The following RBFOX1 variants were observed in gnomAD, a reference collection of about 807,000 sequenced individuals.
RBFOX1 encodes RNA binding fox-1 homolog 1.
RBFOX1 carries 8 observed loss-of-function variants against 57.7 expected under a neutral mutation model. The observed-to-expected ratio is 0.14, with a 90% CI of 0.08 to 0.25. The LOEUF (loss-of-function observed/expected upper bound fraction) is 0.25, where lower values mean the gene tolerates loss of function less well. RBFOX1 is among the 10% of genes least tolerant of loss of function. The pLI is 1.00. For missense variants in RBFOX1, 611 were observed against 548.5 expected (o/e 1.11, Z -1.14); for synonymous variants, 326 against 222.4 (o/e 1.47, Z -4.15).
At chr16:6,500,596 G>A (rs950420486) in intron 2 of RBFOX1, among the ~76,000 whole-genome samples, 3 of 152,060 alleles carry the variant, frequency 2.0e-5, no homozygotes, top group Non-Finnish European at 4.4e-5. Flanking sequence ...TTAATATCCA[G>A]CCATGGAAAA....
chr16:6,959,853 C>T (rs181434876), intron 3 of RBFOX1, among the ~76,000 whole-genome samples: 1 of 152,232 alleles, frequency 6.6e-6, no homozygotes, highest in African/African-American at 2.4e-5. Flanking sequence ...AGGAGAATCG[C>T]TTGAACCTAG....
chr16:7,061,717 C>G (rs1159176725), intron 4 of RBFOX1, among the ~76,000 whole-genome samples: 1 of 152,156 alleles, frequency 6.6e-6, no homozygotes, highest in East Asian at 1.9e-4. Flanking sequence ...AAATCTGTAT[C>G]AAACAGCTCC....
chr16:5,270,102 C>A (rs1324189097), intron 1 of RBFOX1: 10 of 242,442 alleles, frequency 4.1e-5, no homozygotes, highest in Non-Finnish European at 8.1e-5. Context: ...CAAGACCAGC[C>A]TGGCCAAAAT....
intron 2 of RBFOX1, among the ~76,000 whole-genome samples, chr16:6,603,932 T>G (rs541181895): frequency 6.8e-6 from 1 of 147,794 alleles, no homozygotes; most frequent in African/African-American, 2.4e-5. Flanking sequence ...AGGGGGCTGT[T>G]CAGTGAAGTT....
intron 4 of RBFOX1, among the ~76,000 whole-genome samples, chr16:7,053,527 G>A (rs1445911120): frequency 6.6e-6 from 1 of 152,166 alleles, no homozygotes; most frequent in Non-Finnish European, 1.5e-5. Context: ...ATGTGCCTTT[G>A]TCTCCAGGAG....
chr16:7,079,757 C>A (rs1337546198), intron 4 of RBFOX1, among the ~76,000 whole-genome samples: 8 of 151,624 alleles, frequency 5.3e-5, no homozygotes, highest in African/African-American at 1.9e-4. Context: ...GGTGGTTACA[C>A]AGGGTGGTGT....
Position 7,710,960 on chromosome 16 carries a change from T to C in RBFOX1, c.*215T>C, listed in dbSNP as rs1231905160. On this transcript the variant is annotated 3_prime_UTR_variant, in exon 16 of 16. Coordinates refer to ENST00000550418, the MANE Select transcript of RBFOX1 (RefSeq NM_018723.4). ...GGGTCTTTAATTTCTGAAGGTTCCG[T>C]AGTTTGGTTGCTGGCTGTAGGAGTT... is the stretch of plus-strand genomic sequence containing the variant. 1.1e-5 allele frequency: 6 copies of C among 550,520 alleles called. No individual in the cohort carries two copies. The highest frequency in any genetic ancestry group is 1.7e-5 in the Non-Finnish European group (6 of 361,066). The allele number at this position is 550,520 out of a possible 1,614,324, so 34.1% of individuals were successfully genotyped here. A position where few individuals can be genotyped will look rare whatever the true frequency, so the allele number is the denominator to read the frequency against.
chr16:5,914,552 G>C lies in RBFOX1; in HGVS notation c.351+47217G>C, dbSNP rs1195525449. ...GTGGGACTCTCTGTAGACTGCTTGA[G>C]TGCCCTTACAACATGGCAGCTGGTG... On this transcript the variant is annotated intron_variant, in intron 4 of 19. Transcript: ENST00000641259. 2.6e-5 allele frequency among the ~76,000 whole-genome samples: 4 copies of C among 152,102 alleles called. No homozygotes were observed. The East Asian group carries it at 7.7e-4, about 29-fold the overall frequency.
intron 2 of RBFOX1, among the ~76,000 whole-genome samples, chr16:6,462,417 T>C (rs2094941180): frequency 6.6e-6 from 1 of 152,238 alleles, no homozygotes; most frequent in African/African-American, 2.4e-5. Context: ...ACATGCCAAT[T>C]ATTAAAAATC....
chr16:6,664,621 A>T (rs1052452719), intron 3 of RBFOX1, among the ~76,000 whole-genome samples: 2 of 152,132 alleles, frequency 1.3e-5, no homozygotes, highest in Non-Finnish European at 2.9e-5. Flanking sequence ...ATTCGACATC[A>T]TTTTTACTGA....
intron 2 of RBFOX1, among the ~76,000 whole-genome samples, chr16:6,402,271 A>G (rs1248442683): frequency 2.0e-5 from 3 of 152,180 alleles, no homozygotes; most frequent in African/African-American, 7.2e-5. Flanking sequence ...CTGGGGTAGA[A>G]TAAACTTCGG....
chr16:5,873,900 G>A (rs567924567), intron 4 of RBFOX1, among the ~76,000 whole-genome samples: 1 of 152,260 alleles, frequency 6.6e-6, no homozygotes, highest in East Asian at 1.9e-4. Context: ...GTAAAGAAAA[G>A]TCAAGGGCCT....
At position 5,998,860 on chromosome 16, in the gene RBFOX1, C is replaced by T. The variant is rs149025887; in HGVS notation, c.351+131525C>T. ...GTCATATTGCAGTCAGATTTTAATC[C>T]ATTTAATTCCAAATGGCATCTCCTT... On this transcript the variant is annotated intron_variant, in intron 4 of 19. Coordinates refer to the RBFOX1 transcript ENST00000641259. Among the ~76,000 whole-genome samples, 187 of 152,270 alleles carry T rather than the reference C, an allele frequency of 1.2e-3. 1 individual carries two copies. The highest frequency in any genetic ancestry group is 2.7e-3 in the Admixed American group (42 of 15,288).
At chr16:5,857,880 G>C (rs1190169880) in intron 3 of RBFOX1, among the ~76,000 whole-genome samples, 1 of 152,154 alleles carries the variant, frequency 6.6e-6, no homozygotes, top group Non-Finnish European at 1.5e-5. Flanking sequence ...CTGGGAGGCA[G>C]CGGTTGCAGT....
chr16:6,821,342 A>G (rs1415429837), intron 3 of RBFOX1, among the ~76,000 whole-genome samples: 2 of 152,168 alleles, frequency 1.3e-5, no homozygotes, highest in African/African-American at 2.4e-5. Context: ...TTGTCCCCAA[A>G]TTGGAAAACT....
At chr16:5,335,408 T>C (rs2151283610) in intron 1 of RBFOX1, among the ~76,000 whole-genome samples, 1 of 152,258 alleles carries the variant, frequency 6.6e-6, no homozygotes, top group Admixed American at 6.5e-5. Context: ...AGGCTGGAGT[T>C]TTTCCCGTCA....
chr16:6,374,087 T>A (rs749743052), intron 2 of RBFOX1, among the ~76,000 whole-genome samples: 10 of 152,182 alleles, frequency 6.6e-5, no homozygotes, highest in Non-Finnish European at 1.0e-4. Context: ...CTGCCCTATT[T>A]ACCTTTTAAA....
intron 1 of RBFOX1, among the ~76,000 whole-genome samples, chr16:6,111,537 A>G (rs1272387285): frequency 6.6e-6 from 1 of 152,204 alleles, no homozygotes; most frequent in Non-Finnish European, 1.5e-5. Flanking sequence ...ATGGAATCTT[A>G]TAGGCATGTC....
intron 14 of RBFOX1, among the ~76,000 whole-genome samples, chr16:7,705,261 C>A (rs778108492): frequency 6.6e-6 from 1 of 152,056 alleles, no homozygotes; most frequent in African/African-American, 2.4e-5. Flanking sequence ...AATCCCAGCA[C>A]TTTGGGAGGC....
Sources: gnomAD v4.1 joint callset for allele counts (sites outside exome capture counted in the v4.1 genomes callset) on GRCh38, gnomAD v4.1.1 for gene constraint, MANE v1.5 for transcripts, NCBI Gene and HGNC (gene_info 2026-07-23, HGNC 2026-07-21) for gene names.